Variants in WFDC9 observed in about 807,000 individuals in gnomAD.
WFDC9 encodes WAP four-disulfide core domain 9, also known as protein WFDC9.
A neutral mutation model predicts 9.5 loss-of-function variants in WFDC9; 9 were observed. The ratio of observed to expected loss-of-function variants is 0.95; its 90% CI spans 0.57 to 1.65. WFDC9 has a LOEUF of 1.65. Among genes scored for constraint, WFDC9 ranks in the 40% most tolerant of loss-of-function variants. The pLI, the probability that WFDC9 is intolerant of heterozygous loss-of-function variation, is 0.00. For synonymous variants in WFDC9, 33 were observed against 32.3 expected (o/e 1.02, Z -0.07); for missense variants, 87 against 106.7 (o/e 0.82, Z 0.81).
intron 1 of WFDC9, among the ~76,000 whole-genome samples, chr20:45,626,929 G>A (rs139797069): frequency 8.8e-4 from 134 of 152,234 alleles, no homozygotes; most frequent in Middle Eastern, 3.4e-3. Flanking sequence ...GCTTTTCACC[G>A]TTAAGTATAT....
At chr20:45,623,865 T>C (rs1300263887) in intron 1 of WFDC9, among the ~76,000 whole-genome samples, 1 of 152,178 alleles carries the variant, frequency 6.6e-6, no homozygotes, top group Non-Finnish European at 1.5e-5. Context: ...CTAGAACTTA[T>C]TCCTCCTGTC....
At chr20:45,630,644 C>T (rs1982340410) in intron 1 of WFDC9, among the ~76,000 whole-genome samples, 1 of 151,910 alleles carries the variant, frequency 6.6e-6, no homozygotes, top group Non-Finnish European at 1.5e-5. Flanking sequence ...GTCCAGGAAG[C>T]CCAGGCATTG....
chr20:45,628,830 A>AG (rs1170276965), intron 1 of WFDC9, among the ~76,000 whole-genome samples: 2 of 152,210 alleles, frequency 1.3e-5, no homozygotes, highest in African/African-American at 4.8e-5. Flanking sequence ...CATCAGAGGA[A>AG]GAGGGTGATC....
chr20:45,631,128 G>A (rs1982360034), intron 1 of WFDC9, 75 bp downstream of exon 1: 1 of 1,285,912 alleles, frequency 7.8e-7, no homozygotes, highest in Non-Finnish European at 1.0e-6. Flanking sequence ...AACATCAACA[G>A]GAATGCCGCC....
chr20:45,622,205 T>C (rs1230478080), intron 1 of WFDC9, among the ~76,000 whole-genome samples: 1 of 152,236 alleles, frequency 6.6e-6, no homozygotes, highest in African/African-American at 2.4e-5. Context: ...TGATTTCTTG[T>C]CCTATTGTCA....
intron 2 of WFDC9, among the ~76,000 whole-genome samples, chr20:45,613,890 A>G (rs927531545): frequency 2.0e-5 from 3 of 152,140 alleles, no homozygotes; most frequent in Non-Finnish European, 4.4e-5. Flanking sequence ...GATGTGAGGG[A>G]TGAGGTAAGT....
At chr20:45,614,472 T>G (rs1981930615) in intron 2 of WFDC9, among the ~76,000 whole-genome samples, 156 bp downstream of exon 2, 1 of 152,156 alleles carries the variant, frequency 6.6e-6, no homozygotes, top group Non-Finnish European at 1.5e-5. Context: ...CTATGGAACC[T>G]CAGACAGCTC....
chr20:45,608,527 T>C, intron 4 of WFDC9, 136 bp downstream of exon 4: 1 of 1,089,042 alleles, frequency 9.2e-7, no homozygotes, highest in Non-Finnish European at 1.3e-6. Flanking sequence ...AGCCTAGGTT[T>C]GGAGATAGGA....
chr20:45,613,120 C>A (rs911021808), intron 2 of WFDC9, among the ~76,000 whole-genome samples: 2 of 152,204 alleles, frequency 1.3e-5, no homozygotes, highest in South Asian at 4.1e-4. Flanking sequence ...AGTTTCCAGT[C>A]ATTTCAAGTA....
At position 45,629,883 on chromosome 20, in the gene WFDC9, C is replaced by T. The variant is rs1290173817; in HGVS notation, c.-153+1320G>A. 7 of 1,613,498 alleles carry T rather than the reference C, an allele frequency of 4.3e-6. No individual in the cohort carries two copies. The African/African-American group carries it at 5.3e-5, about 12-fold the overall frequency. ...GCTGCTGCAGGCCCAGGGAGGATAC[C>T]GTGACAAGAAGAGGATGCAGAGTAG... On this transcript the variant is annotated intron_variant, in intron 1 of 4. Transcript: ENST00000326000.
At chr20:45,613,640 T>C (rs1981908722) in intron 2 of WFDC9, among the ~76,000 whole-genome samples, 1 of 152,156 alleles carries the variant, frequency 6.6e-6, no homozygotes, top group Admixed American at 6.5e-5. Context: ...GGAATAAGCA[T>C]CTAAGAGTAG....
chr20:45,608,044 T>C lies in WFDC9; in HGVS notation c.*66A>G. The C allele has an allele frequency of 1.9e-6, 3 of 1,568,510 alleles. No homozygotes were observed. Among genetic ancestry groups the C allele is most frequent in the Non-Finnish European group, 1.8e-6 (2 of 1,141,062 alleles). The stretch of plus-strand genomic sequence containing the variant: ...GCCAGTGGGTGTCCCAAGAAGGAAG[T>C]AGGCAGCACTCTTCTTAGACCAGAT... On this transcript the variant is annotated 3_prime_UTR_variant, in exon 5 of 5. Coordinates refer to ENST00000326000, the MANE Select transcript of WFDC9 (RefSeq NM_147198.4).
intron 1 of WFDC9, among the ~76,000 whole-genome samples, chr20:45,615,119 T>C (rs903240600): frequency 1.3e-5 from 2 of 152,112 alleles, no homozygotes; most frequent in Admixed American, 6.6e-5. Context: ...CATAACAAGA[T>C]CTCCCACCAA....
intron 1 of WFDC9, chr20:45,630,853 T>G: frequency 1.9e-6 from 3 of 1,585,028 alleles, no homozygotes. Flanking sequence ...TATTTACCGT[T>G]CTATTCTCCT....
chr20:45,614,105 T>C (rs1981921095), intron 2 of WFDC9, among the ~76,000 whole-genome samples: 2 of 152,212 alleles, frequency 1.3e-5, no homozygotes, highest in Non-Finnish European at 2.9e-5. Context: ...TCACACGGCC[T>C]CATTCTTACT....
At chr20:45,627,870 A>G (rs1289151099) in intron 1 of WFDC9, among the ~76,000 whole-genome samples, 1 of 152,038 alleles carries the variant, frequency 6.6e-6, no homozygotes, top group Admixed American at 6.6e-5. Context: ...TTTTGTTCAG[A>G]CTTTTTTTAT....
intron 1 of WFDC9, among the ~76,000 whole-genome samples, chr20:45,618,828 C>T (rs992694294): frequency 1.3e-5 from 2 of 152,146 alleles, no homozygotes; most frequent in African/African-American, 4.8e-5. Flanking sequence ...GACACAAAGA[C>T]ATAAGTGAGA....
intron 1 of WFDC9, among the ~76,000 whole-genome samples, chr20:45,615,248 C>T (rs1981947462): frequency 6.6e-6 from 1 of 152,136 alleles, no homozygotes; most frequent in South Asian, 2.1e-4. Context: ...CAAGTTCTTG[C>T]CATGAGCTTG....
intron 1 of WFDC9, 137 bp downstream of exon 1, chr20:45,631,066 C>T: frequency 6.6e-7 from 1 of 1,515,432 alleles, no homozygotes; most frequent in Non-Finnish European, 8.8e-7. Context: ...ACTCCTCTAT[C>T]CAAGACTGTG....
Sources: allele counts gnomAD v4.1 joint callset (sites outside exome capture counted in the v4.1 genomes callset), GRCh38; gene constraint gnomAD v4.1.1; transcripts MANE v1.5; gene names NCBI Gene and HGNC (gene_info 2026-07-23, HGNC 2026-07-21).